BRF1: variants seen among roughly 807,000 people sequenced by gnomAD.
The protein encoded by BRF1 is transcription factor IIIB 90 kDa subunit.
Under a neutral mutation model 81.7 loss-of-function variants are expected in BRF1, and 59 were observed. That is an observed-to-expected ratio of 0.72 (90% CI 0.59 to 0.90). The LOEUF is 0.90. BRF1 is among the 40% of genes least tolerant of loss of function. The pLI is 0.00. For synonymous variants in BRF1, 491 were observed against 395.6 expected (o/e 1.24, Z -2.86); for missense variants, 1,050 against 936.3 (o/e 1.12, Z -1.58).
At chr14:105,296,340 C>T (rs1240181260) in intron 1 of BRF1, among the ~76,000 whole-genome samples, 7 of 151,930 alleles carry the variant, frequency 4.6e-5, no homozygotes, top group South Asian at 2.1e-4. Context: ...CATGTAACCC[C>T]GCCTCTGCTA....
rs986021715 is a variant in BRF1, at chr14:105,271,259, A to G, written c.439+1462T>C. Among the ~76,000 whole-genome samples, 1 of 152,272 alleles carries G rather than the reference A, an allele frequency of 6.6e-6. No individual in the cohort carries two copies. Among genetic ancestry groups the G allele is most frequent in the African/African-American group, 2.4e-5 (1 of 41,478 alleles). On this transcript the variant is annotated intron_variant, in intron 3 of 17. Transcript: ENST00000547530. This position sits in a 1 kb window ranked among gnomAD's most constrained non-coding sequence, Gnocchi z 5.5. ...GACGAATTCAACAGAAGCTCAGGAC[A>G]GGAAGCTGTCAGAGAGCAAAGGCCT...
At chr14:105,303,754 T>C (rs1444789968), upstream of BRF1, among the ~76,000 whole-genome samples, 6 of 152,216 alleles carry the variant, frequency 3.9e-5, no homozygotes, top group Non-Finnish European at 7.3e-5. Context: ...AGGAAGTGTA[T>C]TGTTTTGTTT....
chr14:105,219,363 C>T (rs943024116), intron 12 of BRF1, 131 bp from the exon 13 acceptor site: 34 of 1,503,118 alleles, frequency 2.3e-5, no homozygotes, highest in African/African-American at 4.1e-5. Context: ...CTATTTAGTG[C>T]GGAGCCTGGG....
chr14:105,300,373 C>A, intron 1 of BRF1, 73 bp downstream of exon 1: 1 of 1,380,362 alleles, frequency 7.2e-7, no homozygotes, highest in South Asian at 1.6e-5. Flanking sequence ...CTGGTCCCGG[C>A]CGCGCCGTCA....
chr14:105,241,681 G>A (rs1024652848), intron 5 of BRF1: 16 of 523,316 alleles, frequency 3.1e-5, no homozygotes, highest in Non-Finnish European at 4.5e-5. Flanking sequence ...CTGCATGGCC[G>A]CCCTGCTCAG....
At position 105,300,733 on chromosome 14, in the gene BRF1, TCGCCGCTCTCGC is replaced by T; in HGVS notation, c.-116_-105del. 1 of 913,554 alleles carries T rather than the reference TCGCCGCTCTCGC, an allele frequency of 1.1e-6. No individual in the cohort carries two copies. The highest frequency in any genetic ancestry group is 3.8e-5 in the East Asian group (1 of 26,372). 56.6% of individuals were successfully genotyped at this position (913,554 alleles called of 1,614,324 possible). A position where few individuals can be genotyped will look rare whatever the true frequency, so the allele number is the denominator to read the frequency against. On this transcript the variant is annotated 5_prime_UTR_variant, in exon 1 of 18. Coordinates refer to ENST00000547530, the MANE Select transcript of BRF1 (RefSeq NM_001519.4). ...CCGCCCAGGCCCAGCCGCCCAGGCC[TCGCCGCTCTCGC>T]GAGGCCCCGCTCCAGCCGATTCGCA...
chr14:105,252,987 C>T (rs587631192), intron 4 of BRF1, among the ~76,000 whole-genome samples: 4 of 152,372 alleles, frequency 2.6e-5, no homozygotes, highest in Non-Finnish European at 5.9e-5. Flanking sequence ...GTCTTGGCCT[C>T]AGCCCCCTTG....
chr14:105,214,259 GC>G (rs1890654497), intron 15 of BRF1, among the ~76,000 whole-genome samples: 1 of 152,248 alleles, frequency 6.6e-6, no homozygotes, highest in Non-Finnish European at 1.5e-5. Context: ...GCCCACACTG[GC>G]CCCTCTGCCT....
intron 1 of BRF1, chr14:105,314,818 A>T: frequency 3.1e-6 from 1 of 323,830 alleles, no homozygotes; most frequent in Non-Finnish European, 4.3e-6. Flanking sequence ...CCCGGCAGCC[A>T]TGTGACCGCG....
intron 1 of BRF1, among the ~76,000 whole-genome samples, chr14:105,295,303 C>CAAAAAAAA (rs869251134): frequency 2.7e-5 from 1 of 36,588 alleles, no homozygotes; most frequent in Non-Finnish European, 6.2e-5. Flanking sequence ...CACATCTCTA[C>CAAAAAAAA]AAAAAAAAAA....
rs752522458 is a variant in BRF1, at chr14:105,309,302, A to G, written c.-162+6020T>C. ...AGGGGAGAGTTTTATTCCTGAATCC[A>G]GGTCATGCTGTGTTCAACTTTACAC... is the stretch of plus-strand genomic sequence containing the variant. On this transcript the variant is annotated intron_variant, in intron 1 of 17. Coordinates refer to the BRF1 transcript ENST00000327359. The surrounding 1 kb of genome is among the most constrained non-coding windows in gnomAD (Gnocchi z 4.0). Among the ~76,000 whole-genome samples, 1 of 152,230 alleles carries G rather than the reference A, an allele frequency of 6.6e-6. No homozygotes were observed. Among genetic ancestry groups the G allele is most frequent in the Non-Finnish European group, 1.5e-5 (1 of 68,054 alleles).
Position 105,241,255 on chromosome 14 carries a change from C to T in BRF1, c.694+10G>A, listed in dbSNP as rs376414981. On this transcript the variant is annotated intron_variant, in intron 6 of 17. Transcript: ENST00000547530. ...ACCAGCATCCCCCAGGCAGGCAGGG[C>T]CCGCTGTACCTGCTCCGCAGAGGCC... 4.3e-6 allele frequency: 7 copies of T among 1,609,792 alleles called. No homozygotes were observed. The highest frequency in any genetic ancestry group is 1.1e-5 in the South Asian group (1 of 91,026).
Position 105,221,862 on chromosome 14 carries a change from G to A in BRF1, c.1101C>T (p.Asp367=), listed in dbSNP as rs774690649. The A allele has an allele frequency of 2.4e-5, 38 of 1,602,102 alleles. No individual in the cohort carries two copies. The highest frequency in any genetic ancestry group is 1.7e-4 in the Middle Eastern group (1 of 6,034). Reference sequence around the variant, plus strand: ...GGCTGGCCGCGGCTTCCAGCTCCTCGTCCTCTGTGTCCTCCTCGCCACACA... The same window carrying A: ...GGCTGGCCGCGGCTTCCAGCTCCTCATCCTCTGTGTCCTCCTCGCCACACA... ...SSLCGEEDTE[D]EELEAAASHL... The change falls in exon 11 of 18, where the codon GAC becomes GAT. Residue 367 remains aspartate (D), a synonymous_variant. Transcript: ENST00000547530.
chr14:105,219,454 G>A, intron 12 of BRF1: 1 of 993,916 alleles, frequency 1.0e-6, no homozygotes, highest in Non-Finnish European at 1.4e-6. Flanking sequence ...GGCCACATGT[G>A]TGAGACCCCC....
chr14:105,272,479 C>T (rs1328605873), intron 3 of BRF1, among the ~76,000 whole-genome samples: 7 of 152,228 alleles, frequency 4.6e-5, no homozygotes, highest in Admixed American at 3.3e-4. Flanking sequence ...ACAGAACCCT[C>T]GCTCTGCATG....
chr14:105,242,374 T>C (rs2054740463), intron 5 of BRF1: 1 of 152,114 alleles, frequency 6.6e-6, no homozygotes, highest in East Asian at 1.9e-4. Context: ...TTTAAAACAA[T>C]TGCTAAGATT....
chr14:105,226,586 C>G, intron 8 of BRF1, 48 bp downstream of exon 8: 4 of 1,609,862 alleles, frequency 2.5e-6, no homozygotes, highest in Non-Finnish European at 3.4e-6. Flanking sequence ...GTGGCTTCCC[C>G]CCAAGGCTGG....
At chr14:105,229,036 GC>G (rs2054275770) in intron 6 of BRF1, 123 bp from the exon 7 acceptor site, 1 of 858,390 alleles carries the variant, frequency 1.2e-6, no homozygotes, top group South Asian at 1.4e-5. Flanking sequence ...ACGTGTCTGT[GC>G]CAGGCAGTGA....
chr14:105,278,073 G>C (rs1170677985), intron 2 of BRF1, among the ~76,000 whole-genome samples: 1 of 152,130 alleles, frequency 6.6e-6, no homozygotes, highest in Non-Finnish European at 1.5e-5. Flanking sequence ...TTAATAAACA[G>C]ATATTCACAT....
Sources: gnomAD v4.1 joint callset for allele counts (sites outside exome capture counted in the v4.1 genomes callset) on GRCh38, gnomAD v4.1.1 for gene constraint, Gnocchi (gnomAD v3.1) non-coding constraint, MANE v1.5 for transcripts, NCBI Gene and HGNC (gene_info 2026-07-23, HGNC 2026-07-21) for gene names.